The following DIS3 variants were observed in gnomAD, a reference collection of about 807,000 sequenced individuals.
DIS3 encodes the protein DIS3 exosome endoribonuclease and 3'-5' exoribonuclease.
DIS3 carries 103 observed loss-of-function variants against 113.0 expected under a neutral mutation model. The ratio of observed to expected loss-of-function variants is 0.91; its 90% confidence interval spans 0.78 to 1.07. The LOEUF is 1.07. DIS3 is among the 50% of genes least tolerant of loss of function. The pLI is 0.00. For synonymous variants in DIS3, 402 were observed against 394.3 expected (o/e 1.02, Z -0.23); for missense variants, 1,121 against 1,167.1 (o/e 0.96, Z 0.58).
In DIS3 at chr13:72,765,231, T is replaced by C. The variant is rs2033716952; in HGVS notation, c.1970+741A>G. 2.6e-5 allele frequency among the ~76,000 whole-genome samples: 4 copies of C among 152,122 alleles called. No individual in the cohort carries two copies. The South Asian group carries it at 6.2e-4, about 24-fold the overall frequency. On this transcript the variant is annotated intron_variant, in intron 15 of 20. Coordinates refer to ENST00000377767, the MANE Select transcript of DIS3 (RefSeq NM_014953.5). The stretch of plus-strand genomic sequence containing the variant: ...ATGAGGTAGGTGCCATTATCAATCA[T>C]AGGCAATTTACAGACAAATAAATTG...
Position 72,756,402 on chromosome 13 carries a change from A to G in DIS3, c.*3393T>C, listed in dbSNP as rs937928485. The G allele has an allele frequency of 6.5e-6, 1 of 153,142 alleles. No individual in the cohort carries two copies. Among genetic ancestry groups the G allele is most frequent in the African/African-American group, 2.4e-5 (1 of 41,490 alleles). 9.5% of individuals were successfully genotyped at this position (153,142 alleles called of 1,614,324 possible). ...AAACTCAATATAAATTTACCTAAAA[A>G]CAATTGCTATACCTAAAAGGAGTTC... is the stretch of plus-strand genomic sequence containing the variant. On this transcript the variant is annotated 3_prime_UTR_variant, in exon 21 of 21. Coordinates refer to ENST00000377767, the MANE Select transcript of DIS3 (RefSeq NM_014953.5).
chr13:72,773,641 TTTAA>T (rs1344188756), intron 8 of DIS3, 39 bp downstream of exon 8: 1 of 1,570,752 alleles, frequency 6.4e-7, no homozygotes, highest in Admixed American at 2.0e-5. Context: ...TTCACAAAAT[TTTAA>T]TTAAACATCC....
At chr13:72,767,772 T>A (rs537542087) in intron 14 of DIS3, among the ~76,000 whole-genome samples, 1 of 152,334 alleles carries the variant, frequency 6.6e-6, no homozygotes, top group Non-Finnish European at 1.5e-5. Context: ...GCGCATCTTA[T>A]GAAATGACAC....
chr13:72,768,608 C>T (rs866387474), intron 14 of DIS3, among the ~76,000 whole-genome samples, 177 bp downstream of exon 14: 1 of 152,154 alleles, frequency 6.6e-6, no homozygotes, highest in Admixed American at 6.5e-5. Context: ...TGTGCCATTG[C>T]ACTCCAGCGT....
chr13:72,765,624 C>CA (rs1015221681), intron 15 of DIS3, among the ~76,000 whole-genome samples: 1 of 152,198 alleles, frequency 6.6e-6, no homozygotes, highest in Non-Finnish European at 1.5e-5. Context: ...GTAAAGCTCA[C>CA]AGCCCAGGGG....
chr13:72,772,923 T>C (rs1475520774), intron 8 of DIS3, 84 bp from the exon 9 acceptor site: 2 of 1,408,194 alleles, frequency 1.4e-6, no homozygotes, highest in East Asian at 4.7e-5. Flanking sequence ...CATTTACATA[T>C]CTTCTCAGTA....
At chr13:72,780,792 C>G (rs1047176770) in intron 2 of DIS3, 54 bp downstream of exon 2, 3 of 1,516,576 alleles carry the variant, frequency 2.0e-6, no homozygotes, top group South Asian at 1.3e-5. Flanking sequence ...GAACCCTCTC[C>G]CGAATTTTGC....
chr13:72,765,868 A>T (rs1294238430), intron 15 of DIS3, 104 bp downstream of exon 15: 5 of 763,214 alleles, frequency 6.6e-6, no homozygotes, highest in Non-Finnish European at 9.6e-6. Context: ...TCATGACCCT[A>T]ATCATTATTT....
chr13:72,772,248 G>A lies in DIS3; in HGVS notation c.1414C>T (p.His472Tyr), dbSNP rs777555863. Residue 472 changes from histidine (H) to tyrosine (Y), a missense_variant, in exon 10 of 21, where the codon CAT (histidine) becomes TAT (tyrosine). By Grantham distance (83) the His-to-Tyr change is moderately conservative (BLOSUM62 2). Transcript: ENST00000377767. ...GGGTCTACACTACAAATACACAGATGCCTCAGGTCTTCTCGGTTTTTCATG... is the reference window on the plus strand; with the variant it reads ...GGGTCTACACTACAAATACACAGATACCTCAGGTCTTCTCGGTTTTTCATG... ...KDMKNREDLRHLCICSVDPPG... is the reference protein window; with the variant it reads ...KDMKNREDLRYLCICSVDPPG... 8 of 1,612,708 alleles carry A rather than the reference G, an allele frequency of 5.0e-6. No homozygotes were observed. The highest frequency in any genetic ancestry group is 6.8e-6 in the Non-Finnish European group (8 of 1,179,758).
At chr13:72,768,729 T>C (rs1040197105) in intron 14 of DIS3, 56 bp downstream of exon 14, 2 of 1,328,644 alleles carry the variant, frequency 1.5e-6, no homozygotes, top group Non-Finnish European at 1.0e-6. Flanking sequence ...TTGCCTATGA[T>C]CAAACAATGT....
In DIS3 at chr13:72,771,647, T is replaced by C. The variant is rs969867233; in HGVS notation, c.1605+148A>G. On this transcript the variant is annotated intron_variant, in intron 11 of 20. Transcript: ENST00000377767. ...CTTGACTTTCACAATACTTTACTTG[T>C]TATTTGAACCACTCGATAACAAAAA... 65 of 638,772 alleles carry C rather than the reference T, an allele frequency of 1.0e-4. No homozygotes were observed. The Admixed American group carries it at 1.9e-3, about 18-fold the overall frequency. The allele number at this position is 638,772 out of a possible 1,614,324, so 39.6% of individuals were successfully genotyped here. A position where few individuals can be genotyped will look rare whatever the true frequency, so the allele number is the denominator to read the frequency against.
Position 72,780,900 on chromosome 13 carries a change from T to C in DIS3, c.332A>G (p.Asp111Gly), listed in dbSNP as rs1194979185. 3 of 1,613,340 alleles carry C rather than the reference T, an allele frequency of 1.9e-6. No individual in the cohort carries two copies. Among genetic ancestry groups the C allele is most frequent in the Admixed American group, 1.7e-5 (1 of 59,860 alleles). Reference protein sequence around the residue: ...RSAPVYKRIRDVTNNQEKHFY... With the variant: ...RSAPVYKRIRGVTNNQEKHFY... ...ATGCTTCTCTTGGTTATTAGTCACATCTCGGATGCGTTTATATACGGGGGC... is the reference window on the plus strand; with the variant it reads ...ATGCTTCTCTTGGTTATTAGTCACACCTCGGATGCGTTTATATACGGGGGC... Residue 111 changes from aspartate (D) to glycine (G), a missense_variant, in exon 2 of 21, where the codon GAT (aspartate) becomes GGT (glycine). Asp to Gly is a moderately conservative substitution (Grantham distance 94). Around this residue, in one of 3 missense-constraint regions of DIS3, gnomAD observed 254 missense variants for 232.2 expected, o/e 1.09. Transcript: ENST00000377767.
In DIS3 at chr13:72,756,193, T is replaced by A; in HGVS notation, c.*3602A>T. The A allele has an allele frequency of 4.2e-5, 2 of 47,566 alleles. No homozygotes were observed. The highest frequency in any genetic ancestry group is 6.8e-5 in the Non-Finnish European group (2 of 29,590). 2.9% of individuals were successfully genotyped at this position (47,566 alleles called of 1,614,324 possible). Reference sequence around the variant, plus strand: ...CAAAAGGGAATAAAGACCTGTGTTATCAATGTGTCATTTTCTTCTTTCCTC... The same window carrying A: ...CAAAAGGGAATAAAGACCTGTGTTAACAATGTGTCATTTTCTTCTTTCCTC... On this transcript the variant is annotated 3_prime_UTR_variant, in exon 21 of 21. Transcript: ENST00000377767.
In DIS3 at chr13:72,770,903, C is replaced by T. The variant is rs769194741; in HGVS notation, c.1755+1G>A. 9 of 1,590,662 alleles carry T rather than the reference C, an allele frequency of 5.7e-6. No homozygotes were observed. In the East Asian group the frequency reaches 1.1e-4, roughly 20 times the overall value. ...TAGAGATTAATAGCCATGAAACGAA[C>T]CTTTGAATTAATAACACTTTTGGTA... is the stretch of plus-strand genomic sequence containing the variant. On this transcript the variant is annotated splice_donor_variant, in intron 13 of 20. Transcript: ENST00000377767. LOFTEE classifies it high-confidence loss of function.
intron 2 of DIS3, among the ~76,000 whole-genome samples, chr13:72,780,199 G>A (rs1299819443): frequency 1.3e-5 from 2 of 151,552 alleles, no homozygotes; most frequent in Non-Finnish European, 2.9e-5. Context: ...AGTGGTGCGT[G>A]ACTGTAATCC....
At chr13:72,774,703 A>C (rs1224704941) in intron 6 of DIS3, among the ~76,000 whole-genome samples, 1 of 152,150 alleles carries the variant, frequency 6.6e-6, no homozygotes, top group Non-Finnish European at 1.5e-5. Flanking sequence ...ATTATAAAAT[A>C]CAGAAATAGG....
At position 72,752,288 on chromosome 13, in the gene DIS3, ATTGATGCCTGCC is replaced by A. The variant is rs2033297899; in HGVS notation, c.*7495_*7506del. On this transcript the variant is annotated 3_prime_UTR_variant, in exon 21 of 21. Coordinates refer to ENST00000377767, the MANE Select transcript of DIS3 (RefSeq NM_014953.5). Reference sequence around the variant, plus strand: ...TCATCCTTCTTAGCTATAAAGTGAGATTGATGCCTGCCTTGATGCCTGTGGGGGATAACAAGG... The same window carrying A: ...TCATCCTTCTTAGCTATAAAGTGAGATTGATGCCTGTGGGGGATAACAAGG... 1 of 152,188 alleles carries A rather than the reference ATTGATGCCTGCC, an allele frequency of 6.6e-6. No individual in the cohort carries two copies. Among genetic ancestry groups the A allele is most frequent in the South Asian group, 2.1e-4 (1 of 4,826 alleles). The allele number at this position is 152,188 out of a possible 1,614,324, so 9.4% of individuals were successfully genotyped here. A position where few individuals can be genotyped will look rare whatever the true frequency, so the allele number is the denominator to read the frequency against.
At chr13:72,769,104 A>AT (rs1203247059) in intron 13 of DIS3, among the ~76,000 whole-genome samples, 192 bp from the exon 14 acceptor site, 1 of 152,222 alleles carries the variant, frequency 6.6e-6, no homozygotes, top group Non-Finnish European at 1.5e-5. Context: ...TATCTGAGGC[A>AT]TTATACAACA....
Position 72,755,148 on chromosome 13 carries a change from C to T in DIS3, c.*4647G>A. 1 of 1,613,500 alleles carries T rather than the reference C, an allele frequency of 6.2e-7. No individual in the cohort carries two copies. The highest frequency in any genetic ancestry group is 1.1e-5 in the South Asian group (1 of 91,060). Reference sequence around the variant, plus strand: ...AAACAAGGTATTGTCTTCTTTTTCACAGCAAGACCACACAACACAGAGGTG... The same window carrying T: ...AAACAAGGTATTGTCTTCTTTTTCATAGCAAGACCACACAACACAGAGGTG... On this transcript the variant is annotated 3_prime_UTR_variant, in exon 21 of 21. Coordinates refer to ENST00000377767, the MANE Select transcript of DIS3 (RefSeq NM_014953.5).
Sources: gnomAD v4.1 joint callset for allele counts (sites outside exome capture counted in the v4.1 genomes callset) on GRCh38, gnomAD v4.1.1 for gene constraint, gnomAD v4.1.1 regional missense constraint, MANE v1.5 for transcripts, NCBI Gene and HGNC (gene_info 2026-07-23, HGNC 2026-07-21) for gene names.